SLC49A4: variants seen among roughly 807,000 people sequenced by gnomAD.
SLC49A4 encodes solute carrier family 49 member 4, also known as disrupted in renal cancer protein 2.
Under a neutral mutation model 50.6 loss-of-function variants are expected in SLC49A4, and 36 were observed. The observed-to-expected ratio is 0.71, with a 90% CI of 0.55 to 0.94. The LOEUF (loss-of-function observed/expected upper bound fraction) is 0.94, where lower values mean the gene tolerates loss of function less well. SLC49A4 is among the 40% of genes least tolerant of loss of function. The pLI is 0.00. For missense variants in SLC49A4, 503 were observed against 605.7 expected (o/e 0.83, Z 1.78); for synonymous variants, 248 against 241.2 (o/e 1.03, Z -0.26).
At chr3:122,871,156 T>G (rs1031789192) in intron 7 of SLC49A4, among the ~76,000 whole-genome samples, 8 of 152,226 alleles carry the variant, frequency 5.3e-5, no homozygotes, top group African/African-American at 1.9e-4. Context: ...TAAGTGATTC[T>G]TTTGTTATCT....
intron 2 of SLC49A4, among the ~76,000 whole-genome samples, chr3:122,823,212 G>C (rs903390135): frequency 1.3e-5 from 2 of 152,234 alleles, no homozygotes; most frequent in South Asian, 2.1e-4. Flanking sequence ...GCTCTTCCAA[G>C]AGTAGGCTGC....
chr3:122,816,326 C>T (rs997986104), intron 2 of SLC49A4, among the ~76,000 whole-genome samples: 1 of 152,090 alleles, frequency 6.6e-6, no homozygotes, highest in Admixed American at 6.6e-5. Context: ...TCTCTGCTTG[C>T]AAACCAGCTA....
chr3:122,807,690 G>A (rs13059112), intron 2 of SLC49A4, among the ~76,000 whole-genome samples: 15,597 of 152,166 alleles, frequency 0.1, 833 homozygotes, highest in East Asian at 0.14. Flanking sequence ...GTGACCTTGA[G>A]AGTCGTTGAG....
intron 4 of SLC49A4, among the ~76,000 whole-genome samples, chr3:122,841,931 A>G (rs1442610483): frequency 3.1e-5 from 4 of 127,196 alleles, no homozygotes; most frequent in African/African-American, 1.1e-4. Flanking sequence ...ATTGCCTTTC[A>G]CATAATAGGT....
At chr3:122,801,563 C>T (rs1370856350) in intron 1 of SLC49A4, among the ~76,000 whole-genome samples, 1 of 152,142 alleles carries the variant, frequency 6.6e-6, no homozygotes, top group Non-Finnish European at 1.5e-5. Context: ...CGCCATTACA[C>T]TCCAGATGAA....
At chr3:122,831,668 T>C (rs1049637148) in intron 3 of SLC49A4, among the ~76,000 whole-genome samples, 2 of 152,046 alleles carry the variant, frequency 1.3e-5, no homozygotes, top group African/African-American at 4.8e-5. Context: ...AATTCTAAAA[T>C]TGATTGTGGT....
chr3:122,824,882 G>A (rs145637582), intron 2 of SLC49A4, among the ~76,000 whole-genome samples: 1 of 151,648 alleles, frequency 6.6e-6, no homozygotes, highest in East Asian at 1.9e-4. Context: ...ACAGGCATGC[G>A]TCACCATGCC....
At chr3:122,816,483 G>A (rs940985307) in intron 2 of SLC49A4, among the ~76,000 whole-genome samples, 6 of 152,248 alleles carry the variant, frequency 3.9e-5, no homozygotes, top group East Asian at 1.9e-4. Flanking sequence ...TCTGCCTACA[G>A]CCTGACCACT....
At chr3:122,828,079 A>G (rs140310576) in intron 3 of SLC49A4, among the ~76,000 whole-genome samples, 1 of 152,262 alleles carries the variant, frequency 6.6e-6, no homozygotes, top group African/African-American at 2.4e-5. Flanking sequence ...AGAAAATGAG[A>G]CTGGAATGAT....
At chr3:122,838,936 T>C (rs1936730600) in intron 4 of SLC49A4, among the ~76,000 whole-genome samples, 1 of 151,964 alleles carries the variant, frequency 6.6e-6, no homozygotes, top group Admixed American at 6.6e-5. Flanking sequence ...GCCAAAGCAA[T>C]CCTAAGCAAA....
At chr3:122,819,766 A>C (rs1446458867) in intron 2 of SLC49A4, among the ~76,000 whole-genome samples, 1 of 152,086 alleles carries the variant, frequency 6.6e-6, no homozygotes. Context: ...AATAAAGGAA[A>C]ACTATTTCCA....
At chr3:122,855,269 TG>T (rs1936972478) in intron 5 of SLC49A4, among the ~76,000 whole-genome samples, 1 of 152,290 alleles carries the variant, frequency 6.6e-6, no homozygotes, top group African/African-American at 2.4e-5. Context: ...ATAATTATTC[TG>T]GCAACAGTGA....
intron 2 of SLC49A4, among the ~76,000 whole-genome samples, chr3:122,812,124 T>C (rs1576292744): frequency 6.6e-6 from 1 of 152,224 alleles, no homozygotes; most frequent in Middle Eastern, 3.4e-3. Flanking sequence ...CCTGGCTAGT[T>C]TTTAAATTTT....
intron 6 of SLC49A4, among the ~76,000 whole-genome samples, chr3:122,858,092 G>A (rs1261631913): frequency 6.6e-6 from 1 of 152,122 alleles, no homozygotes; most frequent in African/African-American, 2.4e-5. Flanking sequence ...GGATTCCCTA[G>A]GACAGTGCTA....
intron 5 of SLC49A4, among the ~76,000 whole-genome samples, chr3:122,850,464 T>C (rs1936911385): frequency 6.6e-6 from 1 of 151,818 alleles, no homozygotes; most frequent in African/African-American, 2.4e-5. Context: ...GCGAGTATTC[T>C]CAGGGCAAAC....
intron 1 of SLC49A4, among the ~76,000 whole-genome samples, chr3:122,800,467 G>C (rs1427234289): frequency 1.3e-5 from 2 of 152,224 alleles, no homozygotes; most frequent in Admixed American, 1.3e-4. Context: ...AGTAGCCAGA[G>C]GGAATGTGGG....
rs573785087 is a variant in SLC49A4, at chr3:122,879,312, C to T, written c.1371C>T (p.Leu457=). The T allele has an allele frequency of 6.8e-6, 11 of 1,613,988 alleles. No homozygotes were observed. The highest frequency in any genetic ancestry group is 3.3e-5 in the South Asian group (3 of 91,080). ...WCLPGSCLLS[L]LLILCFRESY... Reference sequence around the variant, plus strand: ...TTCCCGGGTCGTGTTTGCTCAGTCTCCTCCTCATTCTGTGCTTCAGGGAAT... The same window carrying T: ...TTCCCGGGTCGTGTTTGCTCAGTCTTCTCCTCATTCTGTGCTTCAGGGAAT... Residue 457 remains leucine, a synonymous_variant, in exon 9 of 9, where the codon CTC becomes CTT. Transcript: ENST00000261038.
chr3:122,843,342 ACCCACTT>A (rs1936801596), intron 4 of SLC49A4, among the ~76,000 whole-genome samples: 3 of 152,058 alleles, frequency 2.0e-5, no homozygotes, highest in South Asian at 2.1e-4. Context: ...TCTTTGTACC[ACCCACTT>A]CCCACTTCCC....
intron 3 of SLC49A4, among the ~76,000 whole-genome samples, chr3:122,832,172 T>C (rs1936616893): frequency 6.6e-6 from 1 of 152,144 alleles, no homozygotes; most frequent in South Asian, 2.1e-4. Context: ...ATTCAATCTG[T>C]TTATTGGCCT....
Sources: gnomAD v4.1 joint callset for allele counts (sites outside exome capture counted in the v4.1 genomes callset) on GRCh38, gnomAD v4.1.1 for gene constraint, MANE v1.5 for transcripts, NCBI Gene and HGNC (gene_info 2026-07-23, HGNC 2026-07-21) for gene names.